Variants in CDC7 observed in about 807,000 individuals in gnomAD.
CDC7 encodes cell division cycle 7-related protein kinase.
CDC7 carries 34 observed loss-of-function variants against 53.5 expected under a neutral mutation model. The observed-to-expected ratio is 0.64, with a 90% CI of 0.48 to 0.85. The LOEUF (loss-of-function observed/expected upper bound fraction) is 0.85, where lower values mean the gene tolerates loss of function less well. CDC7 is among the 40% of genes least tolerant of loss of function. The pLI is 0.00. For missense variants in CDC7, 594 were observed against 679.7 expected (o/e 0.87, Z 1.40); for synonymous variants, 211 against 222.8 (o/e 0.95, Z 0.47).
chr1:91,502,443 C>G (rs1220908718), intron 2 of CDC7, among the ~76,000 whole-genome samples: 2 of 151,860 alleles, frequency 1.3e-5, no homozygotes, highest in African/African-American at 4.8e-5. Context: ...TTCTAGTTGA[C>G]TGTATTTTTT....
chr1:91,521,001 T>C (rs1173351341), intron 11 of CDC7, among the ~76,000 whole-genome samples: 1 of 152,202 alleles, frequency 6.6e-6, no homozygotes, highest in Admixed American at 6.5e-5. Flanking sequence ...CATTTAATGT[T>C]TATTTTCCAC....
chr1:91,523,662 G>A (rs1668105328), intron 11 of CDC7, among the ~76,000 whole-genome samples: 1 of 152,170 alleles, frequency 6.6e-6, no homozygotes, highest in Non-Finnish European at 1.5e-5. Flanking sequence ...AAAGACAGGA[G>A]TCATGTAGTC....
At chr1:91,518,910 AAGT>A (rs1667747284) in intron 10 of CDC7, among the ~76,000 whole-genome samples, 1 of 151,926 alleles carries the variant, frequency 6.6e-6, no homozygotes, top group Non-Finnish European at 1.5e-5. Flanking sequence ...AAATACAAAA[AAGT>A]AGCTGGATGT....
intron 10 of CDC7, among the ~76,000 whole-genome samples, chr1:91,518,727 G>A (rs1038485656): frequency 3.9e-5 from 6 of 152,130 alleles, no homozygotes; most frequent in Admixed American, 3.9e-4. Flanking sequence ...GGTTACCAGA[G>A]GCTGAGAAGG....
chr1:91,506,590 A>C (rs540929929), intron 2 of CDC7, among the ~76,000 whole-genome samples: 1 of 152,284 alleles, frequency 6.6e-6, no homozygotes, highest in South Asian at 2.1e-4. Flanking sequence ...TAGTGGCTGC[A>C]TCAAATTTAT....
At position 91,515,782 on chromosome 1, in the gene CDC7, T is replaced by C. The variant is rs1340798394; in HGVS notation, c.1098-12T>C. The C allele has an allele frequency of 1.2e-6, 2 of 1,612,828 alleles. No individual in the cohort carries two copies. The highest frequency in any genetic ancestry group is 1.1e-5 in the South Asian group (1 of 90,802). ...CTTTAACATAACTAGAGAAATCTTATTTCATCATAAGGCGTCAGCAGGTTG... is the reference window on the plus strand; with the variant it reads ...CTTTAACATAACTAGAGAAATCTTACTTCATCATAAGGCGTCAGCAGGTTG... On this transcript the variant is annotated splice_polypyrimidine_tract_variant and intron_variant, in intron 9 of 11. Transcript: ENST00000234626.
intron 2 of CDC7, among the ~76,000 whole-genome samples, chr1:91,504,689 C>T (rs1031035778): frequency 2.0e-5 from 3 of 152,124 alleles, no homozygotes; most frequent in African/African-American, 7.2e-5. Flanking sequence ...CCTTTTCACT[C>T]AAGAGTGTCC....
chr1:91,523,567 T>G (rs1368782714), intron 11 of CDC7, among the ~76,000 whole-genome samples: 2 of 152,016 alleles, frequency 1.3e-5, no homozygotes, highest in Non-Finnish European at 2.9e-5. Flanking sequence ...TCTGAGGGTG[T>G]CAAGCCTCAG....
chr1:91,525,152 A>G lies in CDC7; in HGVS notation c.*717A>G, dbSNP rs1016558584. ...ACAAAGTTTCTGGATGTTTTATTAA[A>G]TATTGTACGTGTTTACAGTTGGGAA... On this transcript the variant is annotated 3_prime_UTR_variant, in exon 12 of 12. Transcript: ENST00000234626. 6.6e-6 allele frequency: 1 copy of G among 152,154 alleles called. No homozygotes were observed. Among genetic ancestry groups the G allele is most frequent in the Non-Finnish European group, 1.5e-5 (1 of 68,018 alleles). The allele number at this position is 152,154 out of a possible 1,614,324, so 9.4% of individuals were successfully genotyped here. A position where few individuals can be genotyped will look rare whatever the true frequency, so the allele number is the denominator to read the frequency against.
At chr1:91,504,010 T>G (rs1476459369) in intron 2 of CDC7, among the ~76,000 whole-genome samples, 1 of 152,134 alleles carries the variant, frequency 6.6e-6, no homozygotes, top group African/African-American at 2.4e-5. Flanking sequence ...CCCTATAGAT[T>G]GTTTCTATTT....
chr1:91,510,582 G>A (rs1249161969), intron 4 of CDC7, among the ~76,000 whole-genome samples: 1 of 152,126 alleles, frequency 6.6e-6, no homozygotes, highest in African/African-American at 2.4e-5. Flanking sequence ...ATACATTCTT[G>A]TACCCTAAAT....
intron 3 of CDC7, among the ~76,000 whole-genome samples, 162 bp downstream of exon 3, chr1:91,508,099 T>G (rs943673504): frequency 6.6e-6 from 1 of 152,296 alleles, no homozygotes; most frequent in Non-Finnish European, 1.5e-5. Flanking sequence ...CAGCTTTTCT[T>G]TTTCAACCTT....
At chr1:91,508,815 A>G (rs889964741) in intron 4 of CDC7, among the ~76,000 whole-genome samples, 1 of 152,170 alleles carries the variant, frequency 6.6e-6, no homozygotes, top group Non-Finnish European at 1.5e-5. Flanking sequence ...CAACATATGG[A>G]CATGATTTAG....
intron 3 of CDC7, 97 bp downstream of exon 3, chr1:91,508,034 A>ATAGT: frequency 9.4e-7 from 1 of 1,059,170 alleles, no homozygotes; most frequent in Non-Finnish European, 1.4e-6. Flanking sequence ...TCTTATTGAA[A>ATAGT]AATATACCAC....
chr1:91,515,264 C>T (rs1413717032), intron 9 of CDC7, among the ~76,000 whole-genome samples: 1 of 152,138 alleles, frequency 6.6e-6, no homozygotes, highest in Non-Finnish European at 1.5e-5. Context: ...TAGAATCACA[C>T]ATTTTGATTG....
intron 11 of CDC7, among the ~76,000 whole-genome samples, chr1:91,521,929 G>T (rs1264268395): frequency 6.6e-6 from 1 of 152,008 alleles, no homozygotes. Flanking sequence ...CACTTTGAGA[G>T]GCTTAGGTGG....
intron 11 of CDC7, 99 bp from the exon 12 acceptor site, chr1:91,523,942 T>C: frequency 1.3e-6 from 1 of 791,578 alleles, no homozygotes; most frequent in Non-Finnish European, 2.0e-6. Flanking sequence ...CTATAAAGCA[T>C]ATGTTTGAAC....
At chr1:91,510,593 A>G (rs1326026286) in intron 4 of CDC7, among the ~76,000 whole-genome samples, 1 of 152,136 alleles carries the variant, frequency 6.6e-6, no homozygotes, top group Non-Finnish European at 1.5e-5. Context: ...TACCCTAAAT[A>G]TGATCATTTC....
At position 91,525,343 on chromosome 1, in the gene CDC7, T is replaced by C. The variant is rs1322128852; in HGVS notation, c.*908T>C. 6.6e-6 allele frequency: 1 copy of C among 152,158 alleles called. No homozygotes were observed. Among genetic ancestry groups the C allele is most frequent in the African/African-American group, 2.4e-5 (1 of 41,440 alleles). 9.4% of individuals were successfully genotyped at this position (152,158 alleles called of 1,614,324 possible). A position where few individuals can be genotyped will look rare whatever the true frequency, so the allele number is the denominator to read the frequency against. ...AGTGAATACAGAATTGACGGTATTATTGGAGATTTTTCCTCTGCGTAGAGC... is the reference window on the plus strand; with the variant it reads ...AGTGAATACAGAATTGACGGTATTACTGGAGATTTTTCCTCTGCGTAGAGC... On this transcript the variant is annotated 3_prime_UTR_variant, in exon 12 of 12. Coordinates refer to ENST00000234626, the MANE Select transcript of CDC7 (RefSeq NM_003503.4).
Sources: gnomAD v4.1 joint callset for allele counts (sites outside exome capture counted in the v4.1 genomes callset) on GRCh38, gnomAD v4.1.1 for gene constraint, MANE v1.5 for transcripts, NCBI Gene and HGNC (gene_info 2026-07-23, HGNC 2026-07-21) for gene names.